The following ST6GAL1 variants were observed in gnomAD, a reference collection of about 807,000 sequenced individuals.
The protein encoded by ST6GAL1 is beta-galactoside alpha-2,6-sialyltransferase 1.
ST6GAL1 carries 20 observed loss-of-function variants against 38.0 expected under a neutral mutation model. The observed-to-expected ratio is 0.53, with a 90% confidence interval of 0.37 to 0.77. ST6GAL1 has a LOEUF of 0.77. ST6GAL1 is among the 30% of genes least tolerant of loss of function. ST6GAL1 has a pLI of 0.00. For synonymous variants in ST6GAL1, 196 were observed against 188.2 expected, an observed-to-expected ratio of 1.04 and a Z score of -0.34; for missense variants, 432 against 496.4, an observed-to-expected ratio of 0.87 and a Z score of 1.23.
At chr3:187,040,473 C>A (rs1007505896) in intron 3 of ST6GAL1, among the ~76,000 whole-genome samples, 1 of 152,216 alleles carries the variant, frequency 6.6e-6, no homozygotes, top group African/African-American at 2.4e-5. Flanking sequence ...GGCTGGAATT[C>A]TGGTTCTAGA....
intron 2 of ST6GAL1, among the ~76,000 whole-genome samples, chr3:186,998,794 G>A (rs1180958467): frequency 2.0e-5 from 3 of 152,080 alleles, no homozygotes; most frequent in Admixed American, 6.5e-5. Flanking sequence ...CTTACAGCAC[G>A]TCTCATCTGG....
At chr3:186,978,291 G>A (rs1316628999) in intron 2 of ST6GAL1, among the ~76,000 whole-genome samples, 2 of 152,210 alleles carry the variant, frequency 1.3e-5, no homozygotes, top group Non-Finnish European at 2.9e-5. Context: ...GGTAGTAAAG[G>A]TAGAGGTGGA....
Position 187,076,988 on chromosome 3 carries a change from T to TA in ST6GAL1, c.*1188dup, listed in dbSNP as rs1719586222. ...CTAACCACCATCTGTTTTTTTTTTT[T>TA]AAAGCATTTTTTGCTTTAAAAGCAT... is the stretch of plus-strand genomic sequence containing the variant. On this transcript the variant is annotated 3_prime_UTR_variant, in exon 8 of 8. Coordinates refer to ENST00000169298, the MANE Select transcript of ST6GAL1 (RefSeq NM_173216.2). The TA allele has an allele frequency of 1.3e-5, 5 of 398,370 alleles. No homozygotes were observed. Among genetic ancestry groups the TA allele is most frequent in the Non-Finnish European group, 1.3e-5 (3 of 225,930 alleles). 24.7% of individuals were successfully genotyped at this position (398,370 alleles called of 1,614,324 possible).
intron 2 of ST6GAL1, among the ~76,000 whole-genome samples, chr3:186,995,433 G>A (rs772002035): frequency 1.7e-4 from 25 of 150,712 alleles, no homozygotes; most frequent in Non-Finnish European, 3.4e-4. Flanking sequence ...TTGGACCCGG[G>A]AGGTGGAGCT....
intron 2 of ST6GAL1, among the ~76,000 whole-genome samples, chr3:187,004,138 C>T (rs141601785): frequency 6.6e-6 from 1 of 152,352 alleles, no homozygotes; most frequent in Non-Finnish European, 1.5e-5. Context: ...CTTGCTTTTG[C>T]TTTCGCCATG....
At chr3:187,011,537 T>TGAAAC (rs1285748961) in intron 2 of ST6GAL1, among the ~76,000 whole-genome samples, 5 of 152,200 alleles carry the variant, frequency 3.3e-5, no homozygotes, top group Admixed American at 3.3e-4. Context: ...GTAGCTTTTG[T>TGAAAC]TGTCCTTGGG....
At chr3:187,036,010 A>G (rs1438197471) in intron 2 of ST6GAL1, among the ~76,000 whole-genome samples, 3 of 152,254 alleles carry the variant, frequency 2.0e-5, no homozygotes, top group African/African-American at 7.2e-5. Context: ...TATGCATCTG[A>G]CAAAGATCTA....
chr3:187,074,119 C>A, intron 6 of ST6GAL1, 40 bp from the exon 7 acceptor site: 1 of 1,547,280 alleles, frequency 6.5e-7, no homozygotes, highest in Non-Finnish European at 8.7e-7. Flanking sequence ...AGCTCACTGG[C>A]CCATTTCTCC....
chr3:186,997,159 G>T (rs1178599299), intron 2 of ST6GAL1, among the ~76,000 whole-genome samples: 2 of 152,032 alleles, frequency 1.3e-5, no homozygotes, highest in East Asian at 3.9e-4. Context: ...AGGCAGGCAG[G>T]ACTGCCCAAC....
Position 186,963,836 on chromosome 3 carries a change from AGTG to A in ST6GAL1, c.-269_-267del, listed in dbSNP as rs754656223. 3 of 152,326 alleles carry A rather than the reference AGTG, an allele frequency of 2.0e-5. No individual in the cohort carries two copies. Among genetic ancestry groups the A allele is most frequent in the African/African-American group, 4.8e-5 (2 of 41,450 alleles). The allele number at this position is 152,326 out of a possible 1,614,324, so 9.4% of individuals were successfully genotyped here. On this transcript the variant is annotated 5_prime_UTR_variant, in exon 2 of 8. Coordinates refer to ENST00000169298, the MANE Select transcript of ST6GAL1 (RefSeq NM_173216.2). ...CCCTGCAACCAGCAGTCCAGGGAGA[AGTG>A]GTGAATGTCATGGAGCCCAGCTGAA...
chr3:187,064,860 G>T (rs1719042979), intron 5 of ST6GAL1, among the ~76,000 whole-genome samples: 1 of 152,176 alleles, frequency 6.6e-6, no homozygotes, highest in South Asian at 2.1e-4. Flanking sequence ...TAGTAAACGG[G>T]GTCCCCACCC....
intron 2 of ST6GAL1, among the ~76,000 whole-genome samples, chr3:187,001,552 T>C (rs1373222496): frequency 6.6e-6 from 1 of 152,206 alleles, no homozygotes; most frequent in African/African-American, 2.4e-5. Context: ...TTCAGCTTCA[T>C]CTGTAAAATG....
intron 5 of ST6GAL1, among the ~76,000 whole-genome samples, chr3:187,052,016 A>C (rs559508977): frequency 1.2e-4 from 19 of 152,250 alleles, no homozygotes; most frequent in Admixed American, 3.3e-4. Flanking sequence ...ACAACCACCA[A>C]CATTTGCCTT....
In ST6GAL1 at chr3:187,042,673, A is replaced by G. The variant is rs1718165167; in HGVS notation, c.-31A>G. 1 of 1,561,038 alleles carries G rather than the reference A, an allele frequency of 6.4e-7. No individual in the cohort carries two copies. Among genetic ancestry groups the G allele is most frequent in the Admixed American group, 2.0e-5 (1 of 49,468 alleles). On this transcript the variant is annotated 5_prime_UTR_variant, in exon 4 of 8. Coordinates refer to ENST00000169298, the MANE Select transcript of ST6GAL1 (RefSeq NM_173216.2). Reference sequence around the variant, plus strand: ...TTTTAGGCTTGTTTTCCTGCTCAGAACAAAGTGACTTCCCTGAACACATCT... The same window carrying G: ...TTTTAGGCTTGTTTTCCTGCTCAGAGCAAAGTGACTTCCCTGAACACATCT...
chr3:186,934,729 T>C (rs571729232), intron 1 of ST6GAL1, among the ~76,000 whole-genome samples: 1 of 150,558 alleles, frequency 6.6e-6, no homozygotes, highest in Admixed American at 6.7e-5. Context: ...CTTGAGTGCT[T>C]ACCAGCTTTT....
intron 2 of ST6GAL1, among the ~76,000 whole-genome samples, chr3:187,003,867 G>A (rs936476893): frequency 1.5e-4 from 23 of 152,192 alleles, no homozygotes; most frequent in East Asian, 1.2e-3. Context: ...GTCCTCGTAA[G>A]GGTTCTTAGA....
At chr3:187,014,949 A>C (rs1717070352) in intron 2 of ST6GAL1, among the ~76,000 whole-genome samples, 1 of 152,294 alleles carries the variant, frequency 6.6e-6, no homozygotes, top group African/African-American at 2.4e-5. Flanking sequence ...AAATACAATC[A>C]AGCACACCTG....
At chr3:187,002,745 G>C (rs1195604277) in intron 2 of ST6GAL1, among the ~76,000 whole-genome samples, 1 of 152,214 alleles carries the variant, frequency 6.6e-6, no homozygotes, top group Non-Finnish European at 1.5e-5. Context: ...CCTTGATTCA[G>C]ATGATTCTGA....
At chr3:187,050,452 A>C (rs929106335) in intron 4 of ST6GAL1, among the ~76,000 whole-genome samples, 1 of 151,862 alleles carries the variant, frequency 6.6e-6, no homozygotes, top group Non-Finnish European at 1.5e-5. Context: ...GAGCTAGCCC[A>C]GGAAGCTTTT....
Sources: allele counts gnomAD v4.1 joint callset (sites outside exome capture counted in the v4.1 genomes callset), GRCh38; gene constraint gnomAD v4.1.1; transcripts MANE v1.5; gene names NCBI Gene and HGNC (gene_info 2026-07-23, HGNC 2026-07-21).